ARHGEF11: variants seen among roughly 807,000 people sequenced by gnomAD.
The protein encoded by ARHGEF11 is Rho guanine exchange factor (GEF) 11.
In ARHGEF11, 55 loss-of-function variants were observed where a neutral mutation model predicts 193.7. That is an observed-to-expected ratio of 0.28 (90% CI 0.23 to 0.36). The LOEUF (loss-of-function observed/expected upper bound fraction) is 0.36, where lower values mean the gene tolerates loss of function less well. Among genes scored for constraint, ARHGEF11 ranks in the 10% least tolerant of loss-of-function variants. ARHGEF11 has a pLI of 1.00. For missense variants in ARHGEF11, 1,723 were observed against 2,005.6 expected, an observed-to-expected ratio of 0.86 and a Z score of 2.69; for synonymous variants, 693 against 768.0, an observed-to-expected ratio of 0.90 and a Z score of 1.62.
At chr1:156,997,286 A>G (rs981239127) in intron 1 of ARHGEF11, among the ~76,000 whole-genome samples, 4 of 152,294 alleles carry the variant, frequency 2.6e-5, no homozygotes. Context: ...TGCAAATACT[A>G]AAGTAACATA....
At chr1:157,046,065 C>T (rs1303720237), upstream of ARHGEF11, among the ~76,000 whole-genome samples, 2 of 151,268 alleles carry the variant, frequency 1.3e-5, no homozygotes, top group Non-Finnish European at 3.0e-5. Flanking sequence ...CCCTGCCCCC[C>T]ACAACCCTTT....
Position 157,041,124 on chromosome 1 carries a change from C to A in ARHGEF11, c.32+3175G>T, listed in dbSNP as rs186058253. On this transcript the variant is annotated intron_variant, in intron 1 of 40. Transcript: ENST00000368194. The stretch of plus-strand genomic sequence containing the variant: ...TGTTTCATGGATGCAAACCCCTAAC[C>A]CTCCTGTCCATCTCAAAAACATTTG... Among the ~76,000 whole-genome samples the A allele has an allele frequency of 2.5e-4, 38 of 152,282 alleles. No individual in the cohort carries two copies. The East Asian group carries it at 5.8e-3, about 23-fold the overall frequency.
intron 1 of ARHGEF11, among the ~76,000 whole-genome samples, chr1:156,988,568 T>TGAACCTGA (rs1193582534): frequency 6.6e-6 from 1 of 152,182 alleles, no homozygotes; most frequent in Non-Finnish European, 1.5e-5. Context: ...AAGGTGCATC[T>TGAACCTGA]GAACCTGAGA....
At chr1:156,961,311 C>T (rs1376880704) in intron 14 of ARHGEF11, among the ~76,000 whole-genome samples, 1 of 152,224 alleles carries the variant, frequency 6.6e-6, no homozygotes, top group Non-Finnish European at 1.5e-5. Context: ...CTCCTCTTGC[C>T]TCACGGATCT....
rs1230975581 is a variant in ARHGEF11, at chr1:156,939,790, G to A, written c.3854C>T (p.Ser1285Phe). The change falls in exon 37 of 41, where the codon TCT (serine) becomes TTT (phenylalanine). Residue 1285 changes from serine (S) to phenylalanine (F), a missense_variant. This residue lies in a region of ARHGEF11 where 203 missense variants were observed against 237.3 expected (regional missense o/e 0.86). Transcript: ENST00000368194. ...TGGGGAGCCTGGGTCCCAGGGGTGA[G>A]AGGTGACGCTGATGACAGAAGGTGT... ...TPTPSVISVT[S>F]HPWDPGSPGQ... The A allele has an allele frequency of 3.7e-6, 6 of 1,613,826 alleles. No homozygotes were observed. The African/African-American group carries it at 6.7e-5, about 18-fold the overall frequency.
chr1:157,037,200 T>G (rs1672152239), intron 1 of ARHGEF11, among the ~76,000 whole-genome samples: 1 of 152,130 alleles, frequency 6.6e-6, no homozygotes, highest in Admixed American at 6.5e-5. Flanking sequence ...CAAAACGTCT[T>G]GGGAATCCTG....
intron 21 of ARHGEF11, among the ~76,000 whole-genome samples, chr1:156,953,547 T>G (rs1227269115): frequency 6.6e-6 from 1 of 152,248 alleles, no homozygotes; most frequent in Non-Finnish European, 1.5e-5. Context: ...TTTTACTGCT[T>G]AAAATGGCAT....
chr1:156,986,043 G>T, intron 2 of ARHGEF11, 39 bp downstream of exon 2: 1 of 1,545,662 alleles, frequency 6.5e-7, no homozygotes. Context: ...GTGCCACCAT[G>T]CCTGGCTGTT....
chr1:156,947,624 C>A, intron 25 of ARHGEF11, 145 bp downstream of exon 25: 1 of 1,334,640 alleles, frequency 7.5e-7, no homozygotes, highest in Non-Finnish European at 1.0e-6. Context: ...TGAGGGGAAC[C>A]TTATAGCAAC....
chr1:157,017,550 A>G (rs1442570468), intron 1 of ARHGEF11, among the ~76,000 whole-genome samples: 1 of 151,940 alleles, frequency 6.6e-6, no homozygotes, highest in Non-Finnish European at 1.5e-5. Flanking sequence ...TACTAAAAAT[A>G]CAAAAAATTA....
intron 21 of ARHGEF11, among the ~76,000 whole-genome samples, chr1:156,952,693 T>C (rs1330512302): frequency 6.6e-6 from 1 of 152,272 alleles, no homozygotes; most frequent in Non-Finnish European, 1.5e-5. Context: ...AAAATTTAGC[T>C]GCTGTCTTCA....
Position 156,947,965 on chromosome 1 carries a change from A to T in ARHGEF11, c.2154-9T>A. 1 of 1,611,318 alleles carries T rather than the reference A, an allele frequency of 6.2e-7. No homozygotes were observed. Among genetic ancestry groups the T allele is most frequent in the Non-Finnish European group, 8.5e-7 (1 of 1,177,796 alleles). ...TGGGGGACTCAATGCTCCTGGGGGA[A>T]AACAGGCAGCTCAGCTTCATTTAGG... On this transcript the variant is annotated splice_polypyrimidine_tract_variant and intron_variant, in intron 24 of 40. Transcript: ENST00000368194.
In ARHGEF11 at chr1:156,969,316, T is replaced by C. The variant is rs1571297420; in HGVS notation, c.791A>G (p.Asp264Gly). ...LDSQEGDSGL[D>G]SGTERFPSLS... ...GGAAGGAAAGCGTTCTGTCCCAGAG[T>C]CCAAGCCACTGTCCCCCTCCTGGGA... Residue 264 changes from aspartate to glycine, a missense_variant, in exon 10 of 41, where the codon GAC becomes GGC. Asp to Gly is a moderately conservative substitution (Grantham distance 94). Around this residue, in one of 5 missense-constraint regions of ARHGEF11, gnomAD observed 646 missense variants for 710.7 expected, o/e 0.91. Transcript: ENST00000368194. 2 of 1,607,402 alleles carry C rather than the reference T, an allele frequency of 1.2e-6. No individual in the cohort carries two copies. Among genetic ancestry groups the C allele is most frequent in the East Asian group, 4.5e-5 (2 of 44,774 alleles).
chr1:157,017,306 C>A lies in ARHGEF11; in HGVS notation c.32+26993G>T, dbSNP rs141240350. Among the ~76,000 whole-genome samples the A allele has an allele frequency of 9.9e-5, 15 of 152,268 alleles. No homozygotes were observed. The East Asian group carries it at 2.9e-3, about 29-fold the overall frequency. The stretch of plus-strand genomic sequence containing the variant: ...ACTCTGTATCATAACTACCATGGCA[C>A]TTATTACACTTACTTGTTAAATTAT... On this transcript the variant is annotated intron_variant, in intron 1 of 40. Coordinates refer to ENST00000368194, the MANE Select transcript of ARHGEF11 (RefSeq NM_198236.3).
At chr1:156,963,420 A>C (rs1661248380) in intron 12 of ARHGEF11, 100 bp downstream of exon 12, 1 of 1,503,258 alleles carries the variant, frequency 6.7e-7, no homozygotes, top group Admixed American at 1.7e-5. Context: ...TCCCCGCCTC[A>C]AGTTCCCTTC....
intron 1 of ARHGEF11, among the ~76,000 whole-genome samples, chr1:157,014,540 T>C (rs763158983): frequency 6.6e-6 from 1 of 152,108 alleles, no homozygotes; most frequent in Non-Finnish European, 1.5e-5. Flanking sequence ...GGAAAAAATA[T>C]TTCCTTGACC....
At chr1:156,977,087 A>G (rs773817998) in intron 6 of ARHGEF11, 33 bp from the exon 7 acceptor site, 3 of 1,589,540 alleles carry the variant, frequency 1.9e-6, no homozygotes, top group South Asian at 1.1e-5. Context: ...TATAAGAGTT[A>G]GGGACTAACT....
intron 1 of ARHGEF11, among the ~76,000 whole-genome samples, chr1:157,034,554 C>T (rs1671680664): frequency 6.6e-6 from 1 of 152,218 alleles, no homozygotes; most frequent in South Asian, 2.1e-4. Flanking sequence ...GTGTTTAGAG[C>T]TTGCTTTCTT....
chr1:156,956,469 G>A lies in ARHGEF11; in HGVS notation c.1622C>T (p.Ser541Phe), dbSNP rs1659968818. 9.3e-6 allele frequency: 15 copies of A among 1,614,156 alleles called. No homozygotes were observed. The highest frequency in any genetic ancestry group is 1.3e-5 in the Non-Finnish European group (15 of 1,180,026). The change falls in exon 19 of 41, where the codon TCT becomes TTT. Residue 541 changes from serine to phenylalanine, a missense_variant. Ser to Phe is a radical substitution (Grantham distance 155). This residue lies in a region of ARHGEF11 where 646 missense variants were observed against 710.7 expected (regional missense o/e 0.91). Transcript: ENST00000368194. ...RPSNTAEKAQ[S>F]APDKDKWLPF... ...TAGCCACTTGTCCTTGTCAGGAGCA[G>A]ACTGGGCCTTTTCAGCTGTGTTGGA...
Sources: gnomAD v4.1 joint callset for allele counts (sites outside exome capture counted in the v4.1 genomes callset) on GRCh38, gnomAD v4.1.1 for gene constraint, gnomAD v4.1.1 regional missense constraint, MANE v1.5 for transcripts, NCBI Gene and HGNC (gene_info 2026-07-23, HGNC 2026-07-21) for gene names.